CSMD1: variants seen among roughly 807,000 people sequenced by gnomAD.
CSMD1 encodes the protein CUB and Sushi multiple domains 1, also known as CUB and sushi domain-containing protein 1.
A neutral mutation model predicts 417.5 loss-of-function variants in CSMD1; 213 were observed. The ratio of observed to expected loss-of-function variants is 0.51; its 90% CI spans 0.46 to 0.57. The LOEUF (loss-of-function observed/expected upper bound fraction) is 0.57. Among genes scored for constraint, CSMD1 ranks in the 20% least tolerant of loss-of-function variants. CSMD1 has a pLI of 0.00. For missense variants in CSMD1, 6,923 were observed against 4,529.7 expected (o/e 1.53, Z -15.17); for synonymous variants, 2,862 against 1,736.8 (o/e 1.65, Z -16.11).
chr8:3,821,277 G>A (rs764810564), intron 5 of CSMD1, among the ~76,000 whole-genome samples: 2 of 152,094 alleles, frequency 1.3e-5, no homozygotes, highest in Non-Finnish European at 2.9e-5. Context: ...CAAAAGTATA[G>A]GAAATACATT....
chr8:3,976,205 T>C (rs967591339), intron 5 of CSMD1, among the ~76,000 whole-genome samples: 9 of 152,158 alleles, frequency 5.9e-5, no homozygotes, highest in African/African-American at 1.9e-4. Flanking sequence ...TAAAATGACA[T>C]ATGTACTGGT....
At position 4,994,314 on chromosome 8, in the gene CSMD1, G is replaced by A. The variant is rs969436822; in HGVS notation, c.85+18C>T. The A allele has an allele frequency of 6.2e-7, 1 of 1,606,804 alleles. No homozygotes were observed. The highest frequency in any genetic ancestry group is 8.5e-7 in the Non-Finnish European group (1 of 1,178,712). The stretch of plus-strand genomic sequence containing the variant: ...GAGGGCTCTACCGCCTCCCCGGCCA[G>A]GAGCAAGTCCGTCTTACCCTTCGCT... On this transcript the variant is annotated intron_variant, in intron 1 of 69. Coordinates refer to ENST00000635120, the MANE Select transcript of CSMD1 (RefSeq NM_033225.6).
At chr8:3,742,742 AAAAAAC>A (rs1041826444) in intron 6 of CSMD1, among the ~76,000 whole-genome samples, 1 of 152,116 alleles carries the variant, frequency 6.6e-6, no homozygotes, top group Non-Finnish European at 1.5e-5. Context: ...GAGAGAAGAA[AAAAAAC>A]AAAAACAAAA....
chr8:3,011,039 T>C (rs909369195), intron 52 of CSMD1, among the ~76,000 whole-genome samples: 13 of 152,198 alleles, frequency 8.5e-5, no homozygotes, highest in African/African-American at 2.9e-4. Context: ...TCTCAACTTT[T>C]TATTAAAGCT....
intron 26 of CSMD1, among the ~76,000 whole-genome samples, chr8:3,253,005 A>G (rs577924779): frequency 1.3e-4 from 20 of 152,214 alleles, no homozygotes; most frequent in African/African-American, 4.3e-4. Context: ...GATCTTTTCA[A>G]AAAACCAGCT....
chr8:4,267,948 C>G (rs946762042), intron 3 of CSMD1, among the ~76,000 whole-genome samples: 2 of 152,000 alleles, frequency 1.3e-5, no homozygotes, highest in Non-Finnish European at 2.9e-5. Context: ...TATATTCAAA[C>G]TACATTTTTG....
At chr8:3,395,772 C>G (rs933582633) in intron 17 of CSMD1, among the ~76,000 whole-genome samples, 1 of 152,118 alleles carries the variant, frequency 6.6e-6, no homozygotes, top group African/African-American at 2.4e-5. Context: ...TACTCAGATT[C>G]GGTACCACAA....
intron 3 of CSMD1, among the ~76,000 whole-genome samples, chr8:4,341,513 C>T (rs1218215505): frequency 6.6e-6 from 1 of 152,032 alleles, no homozygotes; most frequent in South Asian, 2.1e-4. Flanking sequence ...GAATGTGGCC[C>T]TTTCTAGGAA....
chr8:4,127,648 C>T (rs1010876694), intron 3 of CSMD1, among the ~76,000 whole-genome samples: 2 of 152,042 alleles, frequency 1.3e-5, no homozygotes, highest in Non-Finnish European at 2.9e-5. Flanking sequence ...GAACCACTCA[C>T]CCCCTTTACT....
At chr8:3,312,421 T>C (rs1805420161) in intron 23 of CSMD1, among the ~76,000 whole-genome samples, 1 of 152,196 alleles carries the variant, frequency 6.6e-6, no homozygotes, top group South Asian at 2.1e-4. Flanking sequence ...TTAAAGCCTC[T>C]AGGCTTGTGT....
intron 7 of CSMD1, among the ~76,000 whole-genome samples, chr8:3,657,955 T>C (rs1047821853): frequency 1.7e-4 from 26 of 152,316 alleles, no homozygotes; most frequent in African/African-American, 6.3e-4. Context: ...ACATCATTGT[T>C]GATTAATGGT....
At chr8:3,288,296 A>G (rs1314434672) in intron 25 of CSMD1, among the ~76,000 whole-genome samples, 2 of 147,026 alleles carry the variant, frequency 1.4e-5, no homozygotes, top group African/African-American at 5.4e-5. Context: ...AGGCTTTGGT[A>G]TGAGGATGAT....
At position 3,728,026 on chromosome 8, in the gene CSMD1, T is replaced by C. The variant is rs567598693; in HGVS notation, c.932-19535A>G. 4.6e-5 allele frequency among the ~76,000 whole-genome samples: 7 copies of C among 152,282 alleles called. 1 individual carries two copies. In the South Asian group the frequency reaches 1.2e-3, roughly 27 times the overall value. On this transcript the variant is annotated intron_variant, in intron 6 of 69. Transcript: ENST00000635120. ...GAGGCTACACAACAGTGTGACTGTA[T>C]TCAATGCCCCTGAATTGTACATTTG...
intron 5 of CSMD1, among the ~76,000 whole-genome samples, chr8:3,979,448 G>T (rs1813691470): frequency 6.6e-6 from 1 of 152,182 alleles, no homozygotes; most frequent in South Asian, 2.1e-4. Flanking sequence ...AAATGTGCAT[G>T]CAACTCACAG....
intron 1 of CSMD1, among the ~76,000 whole-genome samples, chr8:4,710,597 G>C (rs1232840532): frequency 6.6e-6 from 1 of 151,200 alleles, no homozygotes; most frequent in African/African-American, 2.4e-5. Flanking sequence ...TGTGATCCCA[G>C]CACTTTGGGA....
chr8:3,304,325 GCAAGCTA>G (rs1229352412), intron 25 of CSMD1, among the ~76,000 whole-genome samples: 63 of 152,198 alleles, frequency 4.1e-4, no homozygotes, highest in Middle Eastern at 6.8e-3. Context: ...TAGTAACCAT[GCAAGCTA>G]ATATCAAGGC....
chr8:4,316,442 CTG>C (rs1417351081), intron 3 of CSMD1, among the ~76,000 whole-genome samples: 1 of 152,154 alleles, frequency 6.6e-6, no homozygotes, highest in Non-Finnish European at 1.5e-5. Flanking sequence ...TGTGAAATAA[CTG>C]TGGTTTTCGC....
intron 49 of CSMD1, among the ~76,000 whole-genome samples, chr8:3,054,966 T>C (rs1242119189): frequency 6.6e-6 from 1 of 152,186 alleles, no homozygotes; most frequent in Non-Finnish European, 1.5e-5. Context: ...AATGTTCCAA[T>C]ATCTAGCTTC....
At chr8:3,552,204 C>T (rs1798946276) in intron 10 of CSMD1, among the ~76,000 whole-genome samples, 1 of 151,932 alleles carries the variant, frequency 6.6e-6, no homozygotes. Flanking sequence ...GTGGAAAAGA[C>T]AACATTCTGA....
Sources: gnomAD v4.1 joint callset for allele counts (sites outside exome capture counted in the v4.1 genomes callset) on GRCh38, gnomAD v4.1.1 for gene constraint, MANE v1.5 for transcripts, NCBI Gene and HGNC (gene_info 2026-07-23, HGNC 2026-07-21) for gene names.